Variants in CLEC2A observed in about 807,000 individuals in gnomAD.
CLEC2A encodes the protein C-type lectin domain family 2 member A, also known as keratinocyte-associated C-type lectin.
A neutral mutation model predicts 18.6 loss-of-function variants in CLEC2A; 19 were observed. The observed-to-expected ratio is 1.02, with a 90% CI of 0.71 to 1.50. CLEC2A has a LOEUF of 1.50. CLEC2A is among the 40% of genes most tolerant of loss of function. CLEC2A has a pLI of 0.00. For missense variants in CLEC2A, 190 were observed against 207.9 expected, an observed-to-expected ratio of 0.91 and a Z score of 0.53; for synonymous variants, 74 against 64.0, an observed-to-expected ratio of 1.16 and a Z score of -0.75.
At chr12:9,917,820 C>T (rs749920393) in intron 3 of CLEC2A, among the ~76,000 whole-genome samples, 2 of 152,044 alleles carry the variant, frequency 1.3e-5, no homozygotes, top group Non-Finnish European at 2.9e-5. Context: ...GATGATATCT[C>T]GTTGTGGTTT....
chr12:9,932,006 T>A (rs1260201937), intron 1 of CLEC2A, among the ~76,000 whole-genome samples: 1 of 152,200 alleles, frequency 6.6e-6, no homozygotes, highest in Non-Finnish European at 1.5e-5. Flanking sequence ...CCTGTGAAAG[T>A]ACATTTTAAA....
intron 2 of CLEC2A, among the ~76,000 whole-genome samples, chr12:9,923,087 C>T (rs1345847644): frequency 6.6e-6 from 1 of 152,094 alleles, no homozygotes; most frequent in Non-Finnish European, 1.5e-5. Flanking sequence ...AGGTTTGTGA[C>T]GTTGGTATAC....
chr12:9,909,196 T>C (rs1862946116), downstream of CLEC2A, among the ~76,000 whole-genome samples: 1 of 152,210 alleles, frequency 6.6e-6, no homozygotes, highest in Non-Finnish European at 1.5e-5. Context: ...CCTTCCCCTG[T>C]TGTGTGCTGA....
chr12:9,884,185 A>T, the CLEC2A span, among the ~76,000 whole-genome samples: 6 of 152,128 alleles, frequency 3.9e-5, no homozygotes, highest in Non-Finnish European at 7.4e-5. Context: ...GAGGATTATT[A>T]TACATGCCCC....
intron 4 of CLEC2A, 23 bp from the exon 5 acceptor site, chr12:9,913,703 A>T (rs1348411290): frequency 6.9e-7 from 1 of 1,452,052 alleles, no homozygotes; most frequent in African/African-American, 1.4e-5. Flanking sequence ...ACTCTAAATC[A>T]GTCTGGGAAC....
intron 4 of CLEC2A, 90 bp from the exon 5 acceptor site, chr12:9,913,770 T>C: frequency 1.3e-6 from 1 of 796,108 alleles, no homozygotes. Context: ...AAATATATTA[T>C]ACCAAACACT....
chr12:9,925,007 A>G (rs773601512), intron 2 of CLEC2A, among the ~76,000 whole-genome samples: 2 of 152,254 alleles, frequency 1.3e-5, no homozygotes, highest in African/African-American at 4.8e-5. Flanking sequence ...TTTAACATTT[A>G]TCTTTCCGGT....
At chr12:9,930,174 C>T (rs1863351548) in intron 1 of CLEC2A, among the ~76,000 whole-genome samples, 1 of 152,056 alleles carries the variant, frequency 6.6e-6, no homozygotes, top group Admixed American at 6.5e-5. Flanking sequence ...TGGCATTCTC[C>T]CTGTATATGG....
chr12:9,931,397 C>T (rs1863373161), intron 1 of CLEC2A, among the ~76,000 whole-genome samples: 1 of 152,142 alleles, frequency 6.6e-6, no homozygotes, highest in South Asian at 2.1e-4. Context: ...CCTAAAGAAA[C>T]TTCTAAATAG....
At chr12:9,899,997 G>A (rs552496235) in intron 4 of CLEC2A, among the ~76,000 whole-genome samples, 1 of 152,304 alleles carries the variant, frequency 6.6e-6, no homozygotes, top group East Asian at 1.9e-4. Flanking sequence ...TAAGGTGAAA[G>A]TGTGGAACTG....
In CLEC2A at chr12:9,932,258, C is replaced by T. The variant is rs2137062940; in HGVS notation, c.55+17G>A. On this transcript the variant is annotated intron_variant, in intron 1 of 4. Coordinates refer to ENST00000455827, the MANE Select transcript of CLEC2A (RefSeq NM_001130711.2). Reference sequence around the variant, plus strand: ...ATCTTTCCTTTACTTCCTTCTCATTCACTCTATAAAACTTACCTATCCGAT... The same window carrying T: ...ATCTTTCCTTTACTTCCTTCTCATTTACTCTATAAAACTTACCTATCCGAT... 1 of 1,515,476 alleles carries T rather than the reference C, an allele frequency of 6.6e-7. No homozygotes were observed. The highest frequency in any genetic ancestry group is 1.2e-5 in the South Asian group (1 of 83,270). 93.9% of individuals were successfully genotyped at this position (1,515,476 alleles called of 1,614,324 possible). A position where few individuals can be genotyped will look rare whatever the true frequency, so the allele number is the denominator to read the frequency against.
chr12:9,886,617 C>G, the CLEC2A span, among the ~76,000 whole-genome samples: 1 of 151,294 alleles, frequency 6.6e-6, no homozygotes, highest in Admixed American at 6.6e-5. Flanking sequence ...ATGCTTATTA[C>G]CAATTAAATT....
intron 4 of CLEC2A, among the ~76,000 whole-genome samples, chr12:9,906,883 A>G (rs1416697063): frequency 6.6e-6 from 1 of 152,108 alleles, no homozygotes; most frequent in Non-Finnish European, 1.5e-5. Flanking sequence ...CTGTTAAGAA[A>G]CCTGCTGGGT....
chr12:9,881,080 T>G, the CLEC2A span, among the ~76,000 whole-genome samples: 4 of 152,252 alleles, frequency 2.6e-5, no homozygotes, highest in Non-Finnish European at 4.4e-5. Context: ...GCTGATCTTT[T>G]ATTTTCCTAT....
At chr12:9,926,037 A>T (rs1011405939) in intron 2 of CLEC2A, among the ~76,000 whole-genome samples, 17 of 152,202 alleles carry the variant, frequency 1.1e-4, no homozygotes, top group African/African-American at 4.1e-4. Context: ...TTAAGCATCA[A>T]GGACTATAAA....
chr12:9,922,270 T>C (rs144325281), intron 2 of CLEC2A, 38 bp from the exon 3 acceptor site: 7 of 1,459,770 alleles, frequency 4.8e-6, no homozygotes, highest in Middle Eastern at 1.8e-4. Flanking sequence ...ATAAAGCATA[T>C]GTTAAAAAGT....
chr12:9,892,127 GA>G, the CLEC2A span, among the ~76,000 whole-genome samples: 3 of 152,190 alleles, frequency 2.0e-5, no homozygotes, highest in African/African-American at 7.2e-5. Flanking sequence ...TATCAATTAT[GA>G]TATCTATGTG....
the CLEC2A span, chr12:9,881,367 A>G: frequency 2.3e-6 from 1 of 434,122 alleles, no homozygotes; most frequent in East Asian, 3.7e-5. Context: ...CTTTACCTTG[A>G]AATTCACAGA....
downstream of CLEC2A, among the ~76,000 whole-genome samples, chr12:9,895,262 G>A (rs1433845909): frequency 1.3e-5 from 2 of 152,314 alleles, no homozygotes; most frequent in East Asian, 3.9e-4. Flanking sequence ...TATTTATGCT[G>A]CTATGTGGAG....
Sources: allele counts gnomAD v4.1 joint callset (sites outside exome capture counted in the v4.1 genomes callset), GRCh38; gene constraint gnomAD v4.1.1; transcripts MANE v1.5; gene names NCBI Gene and HGNC (gene_info 2026-07-23, HGNC 2026-07-21).